The following ETFBKMT variants were observed in gnomAD, a reference collection of about 807,000 sequenced individuals.
ETFBKMT encodes the protein electron transfer flavoprotein beta subunit lysine methyltransferase.
ETFBKMT carries 13 observed loss-of-function variants against 18.3 expected under a neutral mutation model. The observed-to-expected ratio is 0.71, with a 90% confidence interval of 0.46 to 1.13. ETFBKMT has a LOEUF of 1.13. Ranked by LOEUF, ETFBKMT falls within the 50% of genes most tolerant of loss-of-function variation. ETFBKMT has a pLI of 0.00. For missense variants in ETFBKMT, 293 were observed against 306.2 expected (o/e 0.96, Z 0.32); for synonymous variants, 84 against 107.9 (o/e 0.78, Z 1.37).
chr12:31,655,858 A>T (rs1386877794), upstream of ETFBKMT, among the ~76,000 whole-genome samples: 1 of 152,076 alleles, frequency 6.6e-6, no homozygotes, highest in Non-Finnish European at 1.5e-5. Flanking sequence ...GGCTCAATAA[A>T]CCTGGATTGA....
intron 3 of ETFBKMT, among the ~76,000 whole-genome samples, chr12:31,666,544 A>G (rs1951198327): frequency 6.6e-6 from 1 of 152,296 alleles, no homozygotes. Flanking sequence ...GGTTATTTTT[A>G]TTCCATTAGA....
At chr12:31,666,775 TGAGTA>T (rs1302036382) in intron 3 of ETFBKMT, among the ~76,000 whole-genome samples, 1 of 149,326 alleles carries the variant, frequency 6.7e-6, no homozygotes, top group Admixed American at 6.7e-5. Flanking sequence ...CTCAGCCTCC[TGAGTA>T]GCTGGGACTA....
intron 1 of ETFBKMT, among the ~76,000 whole-genome samples, chr12:31,661,139 A>G (rs1478915581): frequency 6.6e-6 from 1 of 152,242 alleles, no homozygotes; most frequent in Non-Finnish European, 1.5e-5. Context: ...ACCACAGCAT[A>G]TGCCTAGTTT....
chr12:31,666,253 CT>C (rs201035638), intron 3 of ETFBKMT, 36 bp downstream of exon 3: 1,179 of 1,419,990 alleles, frequency 8.3e-4, no homozygotes, highest in South Asian at 1.4e-3. Context: ...TAAGGCTCAT[CT>C]TTTTTTTTTC....
intron 3 of ETFBKMT, 56 bp from the exon 4 acceptor site, chr12:31,667,591 G>A: frequency 1.7e-6 from 2 of 1,194,058 alleles, no homozygotes; most frequent in Non-Finnish European, 2.4e-6. Context: ...TAATCAACAT[G>A]GAATTATAAC....
Position 31,669,334 on chromosome 12 carries a change from CA to C in ETFBKMT, c.*1345del, listed in dbSNP as rs1287782875. ...GTTCTATAGTCCTGTGATTAAGTCT[CA>C]GTCAGTTAAGTCAGCCTGTGCCCCT... On this transcript the variant is annotated 3_prime_UTR_variant, in exon 4 of 4. Transcript: ENST00000357721. The C allele has an allele frequency of 6.6e-6, 1 of 152,212 alleles. No homozygotes were observed. The allele number at this position is 152,212 out of a possible 1,614,324, so 9.4% of individuals were successfully genotyped here.
chr12:31,665,941 A>G, intron 2 of ETFBKMT, 146 bp from the exon 3 acceptor site: 1 of 586,042 alleles, frequency 1.7e-6, no homozygotes, highest in Non-Finnish European at 2.9e-6. Flanking sequence ...CGTGGGTGTT[A>G]TGGCCATCAT....
chr12:31,652,975 G>A (rs1314279594), intron 1 of ETFBKMT, among the ~76,000 whole-genome samples: 2 of 152,214 alleles, frequency 1.3e-5, no homozygotes, highest in Non-Finnish European at 1.5e-5. Flanking sequence ...TTGGGAGGCC[G>A]AGGCCGGCGG....
intron 2 of ETFBKMT, among the ~76,000 whole-genome samples, chr12:31,665,156 C>T (rs1951178004): frequency 1.3e-5 from 2 of 151,918 alleles, no homozygotes; most frequent in Non-Finnish European, 2.9e-5. Flanking sequence ...AGACTGGTCT[C>T]GAACTCCTGA....
chr12:31,661,877 C>T lies in ETFBKMT; in HGVS notation c.-77C>T. The T allele has an allele frequency of 3.7e-6, 5 of 1,353,780 alleles. No individual in the cohort carries two copies. The highest frequency in any genetic ancestry group is 2.3e-5 in the East Asian group (1 of 43,288). 83.9% of individuals were successfully genotyped at this position (1,353,780 alleles called of 1,614,324 possible). On this transcript the variant is annotated 5_prime_UTR_variant, in exon 2 of 4. Coordinates refer to ENST00000357721, the MANE Select transcript of ETFBKMT (RefSeq NM_001135863.2). ...CCGGTTGAGATCAAGTTGGGAGACA[C>T]ACCCTTGTTCATTCTCCTTGAGAAG...
intron 2 of ETFBKMT, among the ~76,000 whole-genome samples, chr12:31,663,879 T>C (rs1206912565): frequency 6.6e-6 from 1 of 151,906 alleles, no homozygotes; most frequent in South Asian, 2.1e-4. Flanking sequence ...CTTAACCTTA[T>C]TTTATCTTTT....
At chr12:31,656,646 C>T (rs755360083), upstream of ETFBKMT, among the ~76,000 whole-genome samples, 34 of 152,162 alleles carry the variant, frequency 2.2e-4, no homozygotes, top group Non-Finnish European at 3.8e-4. Flanking sequence ...GTCTCCAAGT[C>T]CTGCTAATAG....
At chr12:31,654,013 T>C (rs779010395) in intron 1 of ETFBKMT, among the ~76,000 whole-genome samples, 2 of 152,178 alleles carry the variant, frequency 1.3e-5, no homozygotes, top group Non-Finnish European at 2.9e-5. Context: ...GGAGATCTCA[T>C]ACAATGATGG....
intron 2 of ETFBKMT, among the ~76,000 whole-genome samples, chr12:31,662,621 GC>G (rs1467588856): frequency 6.6e-6 from 1 of 150,706 alleles, no homozygotes; most frequent in East Asian, 2.0e-4. Flanking sequence ...GAGCCTCTGA[GC>G]CTAGCCTCAG....
Position 31,662,291 on chromosome 12 carries a change from A to G in ETFBKMT, c.314+24A>G, listed in dbSNP as rs115001684. On this transcript the variant is annotated intron_variant, in intron 2 of 3. Coordinates refer to ENST00000357721, the MANE Select transcript of ETFBKMT (RefSeq NM_001135863.2). ...AGGTACTACCCTAATGAAACCTTTA[A>G]GGCGCTACAGATCTTTGCTGTTTTC... The G allele has an allele frequency of 1.3e-3, 2,090 of 1,605,820 alleles. 16 individuals are homozygous for G. In the African/African-American group the frequency reaches 0.026, roughly 20 times the overall value.
At chr12:31,655,070 C>CA (rs1488304837), upstream of ETFBKMT, among the ~76,000 whole-genome samples, 18,366 of 71,562 alleles carry the variant, frequency 0.26, 1,311 homozygotes, top group South Asian at 0.35. Context: ...AACAAACAAA[C>CA]AAACAAAAAA....
chr12:31,662,604 C>G (rs1238261566), intron 2 of ETFBKMT, among the ~76,000 whole-genome samples: 1 of 149,164 alleles, frequency 6.7e-6, no homozygotes, highest in East Asian at 2.0e-4. Flanking sequence ...GCTGGTATTA[C>G]AGACATGAGC....
At chr12:31,650,754 A>C (rs1169437421) in intron 1 of ETFBKMT, among the ~76,000 whole-genome samples, 1 of 151,982 alleles carries the variant, frequency 6.6e-6, no homozygotes, top group African/African-American at 2.4e-5. Context: ...GCCACCCCCA[A>C]ATATGCCAGT....
chr12:31,664,171 G>A (rs745603483), intron 2 of ETFBKMT, among the ~76,000 whole-genome samples: 8 of 151,536 alleles, frequency 5.3e-5, no homozygotes, highest in African/African-American at 7.3e-5. Flanking sequence ...ACTCCAATCC[G>A]AAGATCAAGA....
Sources: gnomAD v4.1 joint callset for allele counts (sites outside exome capture counted in the v4.1 genomes callset) on GRCh38, gnomAD v4.1.1 for gene constraint, MANE v1.5 for transcripts, NCBI Gene and HGNC (gene_info 2026-07-23, HGNC 2026-07-21) for gene names.